Variants in SVOP observed in about 807,000 individuals in gnomAD.
SVOP encodes the protein synaptic vesicle 2-related protein.
In SVOP, 17 loss-of-function variants were observed where a neutral mutation model predicts 69.1. The ratio of observed to expected loss-of-function variants is 0.25; its 90% CI spans 0.17 to 0.37. The LOEUF (loss-of-function observed/expected upper bound fraction) is 0.37. SVOP is among the 10% of genes least tolerant of loss of function. The pLI, the probability that SVOP is intolerant of heterozygous loss-of-function variation, is 1.00. For missense variants in SVOP, 435 were observed against 597.5 expected, an observed-to-expected ratio of 0.73 and a Z score of 2.84; for synonymous variants, 238 against 238.6, an observed-to-expected ratio of 1.00 and a Z score of 0.02.
Position 108,983,737 on chromosome 12 carries a change from G to C in SVOP, c.60C>G (p.Gly20=). The C allele has an allele frequency of 2.5e-6, 1 of 398,796 alleles. No homozygotes were observed. The highest frequency in any genetic ancestry group is 2.1e-5 in the African/African-American group (1 of 48,758). The allele number at this position is 398,796 out of a possible 1,614,324, so 24.7% of individuals were successfully genotyped here. ...QLPVVKFRRT[G]ESARSEDDTA... is the part of the protein sequence containing the mutation. ...TGTCGTCCTCTGACCTTGCACTCTC[G>C]CCTGTGCGACGGAATTTCACAACCC... is the stretch of plus-strand genomic sequence containing the variant. Residue 20 remains glycine, a synonymous_variant, in exon 2 of 16, where the codon GGC becomes GGG. Coordinates refer to ENST00000610966, the MANE Select transcript of SVOP (RefSeq NM_018711.5).
intron 6 of SVOP, among the ~76,000 whole-genome samples, chr12:108,946,744 G>C (rs1008914265): frequency 6.9e-6 from 1 of 145,304 alleles, no homozygotes; most frequent in Non-Finnish European, 1.5e-5. Context: ...TTTGAGACAG[G>C]GTCTTACTCT....
At chr12:108,936,261 T>A (rs2039855744) in intron 10 of SVOP, among the ~76,000 whole-genome samples, 1 of 152,126 alleles carries the variant, frequency 6.6e-6, no homozygotes, top group African/African-American at 2.4e-5. Context: ...GCCAGGCTGA[T>A]CTCGAACTCC....
intron 1 of SVOP, among the ~76,000 whole-genome samples, chr12:108,987,870 T>C (rs1259358694): frequency 6.6e-6 from 1 of 152,108 alleles, no homozygotes; most frequent in Non-Finnish European, 1.5e-5. Context: ...TTTTTCCCAT[T>C]CTTTGGATTG....
Position 109,020,911 on chromosome 12 carries a change from T to C in SVOP, c.-43A>G, listed in dbSNP as rs1443701793. 1 of 709,402 alleles carries C rather than the reference T, an allele frequency of 1.4e-6. No individual in the cohort carries two copies. The highest frequency in any genetic ancestry group is 2.7e-5 in the East Asian group (1 of 36,402). 43.9% of individuals were successfully genotyped at this position (709,402 alleles called of 1,614,324 possible). A position where few individuals can be genotyped will look rare whatever the true frequency, so the allele number is the denominator to read the frequency against. The stretch of plus-strand genomic sequence containing the variant: ...ATGAGCCCTTCTCATGGCCCTTACA[T>C]GGTAGTGGTGGATGACGAGCCCTCC... On this transcript the variant is annotated 5_prime_UTR_variant, in exon 1 of 16. An upstream start codon of the reference 5' UTR is lost. Coordinates refer to ENST00000610966, the MANE Select transcript of SVOP (RefSeq NM_018711.5).
chr12:108,954,313 A>C (rs534750878), intron 6 of SVOP, among the ~76,000 whole-genome samples: 1 of 152,220 alleles, frequency 6.6e-6, no homozygotes, highest in African/African-American at 2.4e-5. Flanking sequence ...GATGAGCGTT[A>C]AAGTGGTAAT....
rs538249219 is a variant in SVOP at position 108,930,314 on chromosome 12, G to A, written c.1048+3881C>T. Among the ~76,000 whole-genome samples, 4 of 152,142 alleles carry A rather than the reference G, an allele frequency of 2.6e-5. No homozygotes were observed. In the East Asian group the frequency reaches 7.7e-4, roughly 29 times the overall value. ...CAGAGACAGACTGGTACTGCCAAGT[G>A]TTTAAAGGTTTATGGACAGAAACAG... On this transcript the variant is annotated intron_variant, in intron 11 of 15. Coordinates refer to ENST00000610966, the MANE Select transcript of SVOP (RefSeq NM_018711.5).
At chr12:108,999,029 G>C (rs1467815753) in intron 1 of SVOP, among the ~76,000 whole-genome samples, 4 of 139,338 alleles carry the variant, frequency 2.9e-5, no homozygotes, top group Non-Finnish European at 4.7e-5. Flanking sequence ...ATTGGATAAA[G>C]AGTCAAGACC....
At chr12:108,990,985 G>A (rs1003263265) in intron 1 of SVOP, among the ~76,000 whole-genome samples, 2 of 152,192 alleles carry the variant, frequency 1.3e-5, no homozygotes, top group African/African-American at 2.4e-5. Flanking sequence ...GCAGGCAAGC[G>A]ATTCTGCTGT....
intron 1 of SVOP, among the ~76,000 whole-genome samples, chr12:108,984,234 T>G (rs2040156015): frequency 6.6e-6 from 1 of 152,286 alleles, no homozygotes; most frequent in East Asian, 1.9e-4. Context: ...CCCAGTCTGG[T>G]CTCAAACTCC....
intron 6 of SVOP, among the ~76,000 whole-genome samples, chr12:108,959,840 T>C (rs2040007249): frequency 6.6e-6 from 1 of 152,208 alleles, no homozygotes; most frequent in Admixed American, 6.5e-5. Context: ...TAAAATGCAA[T>C]GGGTATAGAG....
At chr12:108,915,204 T>C (rs2039706417) in intron 15 of SVOP, among the ~76,000 whole-genome samples, 1 of 150,846 alleles carries the variant, frequency 6.6e-6, no homozygotes, top group African/African-American at 2.4e-5. Flanking sequence ...ACTTTTATCA[T>C]AGATTAAGGG....
intron 6 of SVOP, among the ~76,000 whole-genome samples, chr12:108,959,351 CTT>C (rs36192896): frequency 0.028 from 2,944 of 106,656 alleles, 39 homozygotes; most frequent in African/African-American, 0.056. Context: ...GCTTTTAATT[CTT>C]TTTTTTTTTT....
chr12:108,944,252 A>C (rs1264102054), intron 7 of SVOP, among the ~76,000 whole-genome samples: 1 of 150,920 alleles, frequency 6.6e-6, no homozygotes. Context: ...ATCACAGCTC[A>C]CTGCAGCCTC....
chr12:108,951,189 G>T (rs2039951906), intron 6 of SVOP, among the ~76,000 whole-genome samples: 1 of 152,198 alleles, frequency 6.6e-6, no homozygotes, highest in African/African-American at 2.4e-5. Flanking sequence ...TTTCAAGGTA[G>T]AACAGCTGGG....
At chr12:108,937,184 T>C in intron 10 of SVOP, 80 bp downstream of exon 10, 3 of 1,394,952 alleles carry the variant, frequency 2.2e-6, no homozygotes, top group Non-Finnish European at 3.1e-6. Flanking sequence ...AAGTGCTATC[T>C]GTCCATTGCA....
intron 6 of SVOP, among the ~76,000 whole-genome samples, chr12:108,951,372 T>C (rs2039952802): frequency 6.6e-6 from 1 of 152,216 alleles, no homozygotes. Flanking sequence ...TGTATTGATG[T>C]TTTCGTGGAG....
At chr12:108,963,712 GC>G (rs894024441) in intron 5 of SVOP, among the ~76,000 whole-genome samples, 1 of 151,926 alleles carries the variant, frequency 6.6e-6, no homozygotes, top group African/African-American at 2.4e-5. Flanking sequence ...TCGCCATGTT[GC>G]CCAGGCTGGT....
At chr12:108,967,297 G>A (rs188356135) in intron 5 of SVOP, among the ~76,000 whole-genome samples, 143 of 152,078 alleles carry the variant, frequency 9.4e-4, no homozygotes, top group African/African-American at 2.7e-3. Context: ...TCAGGAGATC[G>A]AGACCATCCT....
At chr12:108,917,708 C>T (rs890252939) in intron 14 of SVOP, among the ~76,000 whole-genome samples, 74 of 151,136 alleles carry the variant, frequency 4.9e-4, no homozygotes, top group African/African-American at 1.8e-3. Flanking sequence ...AGTGGCATGA[C>T]CATGGCTCAC....
Sources: allele counts gnomAD v4.1 joint callset (sites outside exome capture counted in the v4.1 genomes callset), GRCh38; gene constraint gnomAD v4.1.1; transcripts MANE v1.5; gene names NCBI Gene and HGNC (gene_info 2026-07-23, HGNC 2026-07-21).